Variants in SLC25A21 observed in about 807,000 individuals in gnomAD.
The protein encoded by SLC25A21 is mitochondrial 2-oxodicarboxylate carrier.
In SLC25A21, 47 loss-of-function variants were observed where a neutral mutation model predicts 43.8. That is an observed-to-expected ratio of 1.07 (90% CI 0.85 to 1.37). SLC25A21 has a LOEUF of 1.37. Among genes scored for constraint, SLC25A21 ranks in the 40% most tolerant of loss-of-function variants. The probability of loss-of-function intolerance (pLI) is 0.00; values close to 1 mark genes in which losing one functional copy is unlikely to be tolerated. For synonymous variants in SLC25A21, 131 were observed against 121.3 expected (o/e 1.08, Z -0.52); for missense variants, 352 against 350.2 (o/e 1.00, Z -0.04).
At chr14:36,979,323 G>GCTTTTT (rs1555340035) in intron 1 of SLC25A21, among the ~76,000 whole-genome samples, 1 of 123,756 alleles carries the variant, frequency 8.1e-6, no homozygotes, top group African/African-American at 6.2e-5. Context: ...TTAAGGTAGT[G>GCTTTTT]TTTTTTTGGT....
chr14:37,049,616 T>C (rs1444807810), intron 1 of SLC25A21, among the ~76,000 whole-genome samples: 2 of 152,102 alleles, frequency 1.3e-5, no homozygotes, highest in Admixed American at 1.3e-4. Flanking sequence ...AAAATAATTA[T>C]TAAAAGGTAC....
rs371766316 is a variant in SLC25A21, at chr14:36,858,127, C to A, written c.119+16829G>T. ...TTGGGAAATGAGATGGAAAAAACAC[C>A]CTCTTTTTCCCTAGGAGGTCCCATG... On this transcript the variant is annotated intron_variant, in intron 2 of 9. Coordinates refer to ENST00000331299, the MANE Select transcript of SLC25A21 (RefSeq NM_030631.4). Among the ~76,000 whole-genome samples the A allele has an allele frequency of 1.6e-3, 238 of 152,012 alleles. 8 individuals are homozygous for A. In the South Asian group the frequency reaches 0.049, roughly 31 times the overall value.
At chr14:37,058,700 A>G (rs931282698) in intron 1 of SLC25A21, among the ~76,000 whole-genome samples, 1 of 152,176 alleles carries the variant, frequency 6.6e-6, no homozygotes, top group African/African-American at 2.4e-5. Flanking sequence ...GAATTTGGGG[A>G]CTCTAGGGTT....
intron 1 of SLC25A21, among the ~76,000 whole-genome samples, chr14:36,937,511 G>T (rs1287838091): frequency 6.6e-6 from 1 of 152,144 alleles, no homozygotes; most frequent in Non-Finnish European, 1.5e-5. Context: ...ATTTAAAAGG[G>T]TAGCACTCAC....
At chr14:36,888,185 A>C (rs1890977025) in intron 1 of SLC25A21, among the ~76,000 whole-genome samples, 1 of 152,182 alleles carries the variant, frequency 6.6e-6, no homozygotes, top group Non-Finnish European at 1.5e-5. Context: ...CTAGGTTCAA[A>C]TAGCTTTACA....
At chr14:37,126,866 T>C (rs1024072827) in intron 1 of SLC25A21, among the ~76,000 whole-genome samples, 13 of 152,222 alleles carry the variant, frequency 8.5e-5, no homozygotes, top group African/African-American at 2.9e-4. Context: ...TTTTATAGAG[T>C]TCTTGGTAAG....
At chr14:36,968,125 C>T (rs1019820624) in intron 1 of SLC25A21, among the ~76,000 whole-genome samples, 2 of 152,164 alleles carry the variant, frequency 1.3e-5, no homozygotes, top group South Asian at 4.1e-4. Context: ...TGGCAAATAC[C>T]AGAAGCTAAG....
chr14:36,958,187 C>A (rs1265098163), intron 1 of SLC25A21, among the ~76,000 whole-genome samples: 3 of 151,902 alleles, frequency 2.0e-5, no homozygotes, highest in Non-Finnish European at 4.4e-5. Context: ...CCTGCCACTG[C>A]CTCCATCATC....
intron 1 of SLC25A21, among the ~76,000 whole-genome samples, chr14:36,933,412 G>A (rs1012074884): frequency 5.3e-5 from 8 of 152,078 alleles, no homozygotes; most frequent in African/African-American, 1.7e-4. Context: ...TTCCACCACC[G>A]GGATATTTGA....
intron 1 of SLC25A21, among the ~76,000 whole-genome samples, chr14:37,103,303 T>C (rs562546595): frequency 6.6e-6 from 1 of 152,320 alleles, no homozygotes; most frequent in African/African-American, 2.4e-5. Context: ...CAGATGAGGT[T>C]TCTGATGCCT....
chr14:37,074,376 C>A (rs1962235736), intron 1 of SLC25A21, among the ~76,000 whole-genome samples: 1 of 152,224 alleles, frequency 6.6e-6, no homozygotes, highest in Non-Finnish European at 1.5e-5. Flanking sequence ...ATGATCCTCA[C>A]TTATGTTAGA....
intron 3 of SLC25A21, among the ~76,000 whole-genome samples, chr14:36,757,560 T>G (rs1009866368): frequency 1.3e-5 from 2 of 152,254 alleles, no homozygotes; most frequent in Non-Finnish European, 2.9e-5. Flanking sequence ...ACTTGCCTTT[T>G]GTACTTAATT....
chr14:36,923,295 A>T (rs1288777612), intron 1 of SLC25A21, among the ~76,000 whole-genome samples: 1 of 152,206 alleles, frequency 6.6e-6, no homozygotes, highest in African/African-American at 2.4e-5. Flanking sequence ...AAAGCAATAG[A>T]CAAACATGTT....
At chr14:37,035,765 C>T (rs1240288564) in intron 1 of SLC25A21, among the ~76,000 whole-genome samples, 1 of 152,228 alleles carries the variant, frequency 6.6e-6, no homozygotes, top group Non-Finnish European at 1.5e-5. Context: ...CACACAGCTA[C>T]ATCTGGAATC....
chr14:37,135,732 G>A (rs1405706987), intron 1 of SLC25A21, among the ~76,000 whole-genome samples: 1 of 152,166 alleles, frequency 6.6e-6, no homozygotes, highest in Non-Finnish European at 1.5e-5. Flanking sequence ...AAAAATAGTA[G>A]AGTGCTACAA....
intron 2 of SLC25A21, among the ~76,000 whole-genome samples, chr14:36,851,841 TTTGC>T (rs1036236029): frequency 2.0e-5 from 3 of 152,136 alleles, no homozygotes; most frequent in African/African-American, 4.8e-5. Flanking sequence ...CACACTGATG[TTTGC>T]TTGCTTGCTT....
rs79871561 is a variant in SLC25A21, at chr14:36,742,585, G to A, written c.204-8012C>T. Among the ~76,000 whole-genome samples, 17 of 152,186 alleles carry A rather than the reference G, an allele frequency of 1.1e-4. No individual in the cohort carries two copies. In the East Asian group the frequency reaches 3.3e-3, roughly 29 times the overall value. On this transcript the variant is annotated intron_variant, in intron 3 of 9. Coordinates refer to ENST00000331299, the MANE Select transcript of SLC25A21 (RefSeq NM_030631.4). ...TGCATCTTGGGGCCATTTTCATTGA[G>A]GCAAAAGAGGGAGGGAAAACCACAT...
intron 6 of SLC25A21, among the ~76,000 whole-genome samples, chr14:36,721,837 C>T (rs1389966401): frequency 6.6e-6 from 1 of 152,188 alleles, no homozygotes; most frequent in African/African-American, 2.4e-5. Context: ...ACATACTTTT[C>T]TTTAAACTGT....
Position 36,760,074 on chromosome 14 carries a change from G to A in SLC25A21, c.204-25501C>T, listed in dbSNP as rs1347297580. On this transcript the variant is annotated intron_variant, in intron 3 of 9. Coordinates refer to ENST00000331299, the MANE Select transcript of SLC25A21 (RefSeq NM_030631.4). ...TCTTTCCCATGCATGCTTTCTCTCTGGTTAAGTGAGGGAAGAAGCTGGCTG... is the reference window on the plus strand; with the variant it reads ...TCTTTCCCATGCATGCTTTCTCTCTAGTTAAGTGAGGGAAGAAGCTGGCTG... Among the ~76,000 whole-genome samples the A allele has an allele frequency of 3.3e-5, 5 of 152,208 alleles. No individual in the cohort carries two copies. The East Asian group carries it at 9.7e-4, about 30-fold the overall frequency.
Sources: gnomAD v4.1 joint callset for allele counts (sites outside exome capture counted in the v4.1 genomes callset) on GRCh38, gnomAD v4.1.1 for gene constraint, MANE v1.5 for transcripts, NCBI Gene and HGNC (gene_info 2026-07-23, HGNC 2026-07-21) for gene names.